IGSF21: variants seen among roughly 807,000 people sequenced by gnomAD.
IGSF21 encodes immunoglobulin superfamily member 21.
A neutral mutation model predicts 46.8 loss-of-function variants in IGSF21; 28 were observed. The observed-to-expected ratio is 0.60, with a 90% confidence interval of 0.44 to 0.82. IGSF21 has a LOEUF of 0.82. Ranked by LOEUF, IGSF21 falls within the 40% of genes least tolerant of loss-of-function variation. The pLI is 0.00. For synonymous variants in IGSF21, 284 were observed against 273.6 expected, an observed-to-expected ratio of 1.04 and a Z score of -0.38; for missense variants, 624 against 665.5, an observed-to-expected ratio of 0.94 and a Z score of 0.69.
chr1:18,190,226 G>C (rs2086942129), intron 1 of IGSF21, among the ~76,000 whole-genome samples: 1 of 152,242 alleles, frequency 6.6e-6, no homozygotes. Context: ...AGAGCTCCCA[G>C]TGGATCCACA....
In IGSF21 at chr1:18,212,490, C is replaced by T. The variant is rs572134421; in HGVS notation, c.71-15408C>T. Among the ~76,000 whole-genome samples, 46 of 152,320 alleles carry T rather than the reference C, an allele frequency of 3.0e-4. 1 individual carries two copies. Among genetic ancestry groups the T allele is most frequent in the Admixed American group, 2.4e-3 (36 of 15,302 alleles). ...CACCATTGTCCTGAGAAATAAGCGC[C>T]ATGAGCCCATTTTTCCGATGAGATA... is the stretch of plus-strand genomic sequence containing the variant. On this transcript the variant is annotated intron_variant, in intron 1 of 9. Transcript: ENST00000251296.
intron 4 of IGSF21, among the ~76,000 whole-genome samples, chr1:18,341,800 A>C (rs1003825128): frequency 6.6e-6 from 1 of 152,146 alleles, no homozygotes; most frequent in African/African-American, 2.4e-5. Context: ...ACATTAATAA[A>C]ATGTTCTATC....
At chr1:18,179,629 G>A (rs1267132252) in intron 1 of IGSF21, among the ~76,000 whole-genome samples, 2 of 152,056 alleles carry the variant, frequency 1.3e-5, no homozygotes, top group East Asian at 3.9e-4. Context: ...GATGGAGGCG[G>A]CAACTCTCTG....
intron 1 of IGSF21, among the ~76,000 whole-genome samples, chr1:18,131,913 G>A (rs2086325181): frequency 6.6e-6 from 1 of 152,216 alleles, no homozygotes; most frequent in Non-Finnish European, 1.5e-5. Flanking sequence ...AGGTGGTAGG[G>A]GTGGGGGTTG....
chr1:18,156,082 C>T (rs763003528), intron 1 of IGSF21, among the ~76,000 whole-genome samples: 10 of 152,188 alleles, frequency 6.6e-5, no homozygotes, highest in Non-Finnish European at 1.2e-4. Flanking sequence ...ACCTCTCACA[C>T]GCGACAGGCT....
intron 2 of IGSF21, among the ~76,000 whole-genome samples, chr1:18,237,728 C>T (rs982536064): frequency 2.0e-5 from 3 of 152,086 alleles, no homozygotes; most frequent in African/African-American, 4.8e-5. Context: ...GCATCTCTTG[C>T]GGAGTTTTAT....
intron 1 of IGSF21, among the ~76,000 whole-genome samples, chr1:18,117,087 G>T (rs564640793): frequency 8.4e-4 from 128 of 152,342 alleles, no homozygotes; most frequent in Non-Finnish European, 1.6e-3. Flanking sequence ...CCAGAGCAGG[G>T]CTCTAGGAAG....
chr1:18,341,703 G>T (rs2085843573), intron 4 of IGSF21, among the ~76,000 whole-genome samples: 1 of 152,186 alleles, frequency 6.6e-6, no homozygotes, highest in Admixed American at 6.5e-5. Flanking sequence ...CAGGGCAGGG[G>T]TATATAGCCA....
At chr1:18,300,135 C>T (rs1190211684) in intron 3 of IGSF21, among the ~76,000 whole-genome samples, 1 of 152,198 alleles carries the variant, frequency 6.6e-6, no homozygotes, top group African/African-American at 2.4e-5. Context: ...TACCACAGGC[C>T]AGCTCACTGA....
At chr1:18,170,966 C>T (rs1474676195) in intron 1 of IGSF21, among the ~76,000 whole-genome samples, 1 of 152,104 alleles carries the variant, frequency 6.6e-6, no homozygotes, top group Non-Finnish European at 1.5e-5. Context: ...GAGAGGAGGA[C>T]AATCTGGGTG....
At chr1:18,315,835 G>A (rs61760792) in intron 3 of IGSF21, among the ~76,000 whole-genome samples, 1 of 65,586 alleles carries the variant, frequency 1.5e-5, no homozygotes, top group Non-Finnish European at 3.3e-5. Context: ...GGCTAGATAG[G>A]TAGATGGGGG....
At chr1:18,124,365 C>G (rs1286736441) in intron 1 of IGSF21, among the ~76,000 whole-genome samples, 1 of 152,198 alleles carries the variant, frequency 6.6e-6, no homozygotes, top group Non-Finnish European at 1.5e-5. Flanking sequence ...CCACTAGTAT[C>G]CTCATTTTAC....
intron 1 of IGSF21, among the ~76,000 whole-genome samples, chr1:18,121,041 C>T (rs2086229853): frequency 6.6e-6 from 1 of 152,132 alleles, no homozygotes; most frequent in African/African-American, 2.4e-5. Flanking sequence ...ATCTTTCCAC[C>T]ATCCCCACTG....
At chr1:18,296,074 A>T (rs2085309573) in intron 3 of IGSF21, among the ~76,000 whole-genome samples, 1 of 152,196 alleles carries the variant, frequency 6.6e-6, no homozygotes, top group South Asian at 2.1e-4. Context: ...AAGGGGGGAC[A>T]TTGAGAAACT....
At chr1:18,195,900 G>C (rs756805689) in intron 1 of IGSF21, among the ~76,000 whole-genome samples, 3 of 152,244 alleles carry the variant, frequency 2.0e-5, no homozygotes, top group Non-Finnish European at 4.4e-5. Flanking sequence ...CCAGACTATG[G>C]TATGGGAGGG....
At chr1:18,253,198 C>T (rs1019630886) in intron 2 of IGSF21, among the ~76,000 whole-genome samples, 7 of 151,102 alleles carry the variant, frequency 4.6e-5, no homozygotes, top group Non-Finnish European at 8.9e-5. Flanking sequence ...TACCCAGCCC[C>T]GTGTTTCTCT....
chr1:18,301,209 C>T (rs1015801728), intron 3 of IGSF21, among the ~76,000 whole-genome samples: 1 of 152,204 alleles, frequency 6.6e-6, no homozygotes, highest in African/African-American at 2.4e-5. Context: ...AGTGGGAAGC[C>T]TGGGTTAACG....
intron 3 of IGSF21, among the ~76,000 whole-genome samples, chr1:18,323,985 C>T (rs1352717889): frequency 3.3e-5 from 5 of 152,052 alleles, no homozygotes; most frequent in African/African-American, 7.2e-5. Context: ...AGGCTCCAGG[C>T]CCCCTGTCCA....
At chr1:18,258,604 G>A (rs532010712) in intron 2 of IGSF21, among the ~76,000 whole-genome samples, 1 of 152,298 alleles carries the variant, frequency 6.6e-6, no homozygotes, top group South Asian at 2.1e-4. Context: ...TTTAAGGAGA[G>A]AATCCTTCCT....
Sources: gnomAD v4.1 joint callset for allele counts (sites outside exome capture counted in the v4.1 genomes callset) on GRCh38, gnomAD v4.1.1 for gene constraint, MANE v1.5 for transcripts, NCBI Gene and HGNC (gene_info 2026-07-23, HGNC 2026-07-21) for gene names.